KAZN: variants seen among roughly 807,000 people sequenced by gnomAD.
KAZN encodes the protein kazrin, periplakin interacting protein, also known as kazrin.
KAZN carries 40 observed loss-of-function variants against 87.4 expected under a neutral mutation model. That is an observed-to-expected ratio of 0.46 (90% confidence interval 0.36 to 0.60). KAZN has a LOEUF of 0.60. Among genes scored for constraint, KAZN ranks in the 20% least tolerant of loss-of-function variants. The pLI is 0.00. For synonymous variants in KAZN, 466 were observed against 458.3 expected, an observed-to-expected ratio of 1.02 and a Z score of -0.22; for missense variants, 898 against 1,073.9, an observed-to-expected ratio of 0.84 and a Z score of 2.29.
chr1:14,511,889 G>A (rs142979447), intron 2 of KAZN, among the ~76,000 whole-genome samples: 4 of 152,034 alleles, frequency 2.6e-5, no homozygotes, highest in Non-Finnish European at 4.4e-5. Flanking sequence ...ATAAATAAAC[G>A]CATTAGTTTA....
At chr1:14,794,890 A>G (rs1373089953) in intron 1 of KAZN, among the ~76,000 whole-genome samples, 1 of 152,148 alleles carries the variant, frequency 6.6e-6, no homozygotes, top group Non-Finnish European at 1.5e-5. Flanking sequence ...GCTAGGATAA[A>G]AGCAGGCAGA....
At chr1:14,539,137 C>T (rs182843960) in intron 2 of KAZN, among the ~76,000 whole-genome samples, 268 of 152,318 alleles carry the variant, frequency 1.8e-3, no homozygotes, top group African/African-American at 5.7e-3. Context: ...ATTTTACTGT[C>T]ACCCTCTTGC....
At chr1:14,544,479 G>A (rs1466925034) in intron 2 of KAZN, among the ~76,000 whole-genome samples, 1 of 149,958 alleles carries the variant, frequency 6.7e-6, no homozygotes, top group East Asian at 2.0e-4. Flanking sequence ...ATAAAGATAT[G>A]CAAAGGAGAA....
intron 1 of KAZN, among the ~76,000 whole-genome samples, chr1:14,780,992 G>A (rs1309058154): frequency 3.3e-5 from 5 of 152,178 alleles, no homozygotes; most frequent in Non-Finnish European, 5.9e-5. Flanking sequence ...AGTGGAGTGG[G>A]GGACACTGAA....
intron 3 of KAZN, among the ~76,000 whole-genome samples, chr1:15,035,614 C>T (rs546787020): frequency 6.6e-6 from 1 of 152,266 alleles, no homozygotes; most frequent in East Asian, 1.9e-4. Context: ...TTGGGAGACC[C>T]AGGTGGGTGG....
Position 14,379,246 on chromosome 1 carries a change from A to C in KAZN, c.249+198654A>C, listed in dbSNP as rs116933669. Among the ~76,000 whole-genome samples the C allele has an allele frequency of 2.2e-3, 340 of 151,954 alleles. 5 individuals carry two copies. In the East Asian group the frequency reaches 0.04, roughly 18 times the overall value. Reference sequence around the variant, plus strand: ...GAACAACTGGCAGAAATAACCAAGTAGTACACCATGGTCCTTGGGTGAGAC... The same window carrying C: ...GAACAACTGGCAGAAATAACCAAGTCGTACACCATGGTCCTTGGGTGAGAC... On this transcript the variant is annotated intron_variant, in intron 2 of 16. Coordinates refer to the KAZN transcript ENST00000636203.
rs189922479 is a variant in KAZN, at chr1:14,518,068, C to T, written c.250-80915C>T. ...CCCAAGGTCTGCCACTGACTGGCTACAGGACCTTGAACAAGCCACTTATTT... is the reference window on the plus strand; with the variant it reads ...CCCAAGGTCTGCCACTGACTGGCTATAGGACCTTGAACAAGCCACTTATTT... On this transcript the variant is annotated intron_variant, in intron 2 of 16. Coordinates refer to the KAZN transcript ENST00000636203. Among the ~76,000 whole-genome samples, 12 of 151,888 alleles carry T rather than the reference C, an allele frequency of 7.9e-5. No homozygotes were observed. The East Asian group carries it at 1.7e-3, about 22-fold the overall frequency.
intron 2 of KAZN, among the ~76,000 whole-genome samples, chr1:14,242,101 A>G (rs1298231819): frequency 6.6e-6 from 1 of 152,122 alleles, no homozygotes; most frequent in Non-Finnish European, 1.5e-5. Context: ...CTGAGCCTAC[A>G]TTTTCCCTTG....
chr1:13,920,541 T>C (rs912756331), intron 1 of KAZN, among the ~76,000 whole-genome samples: 3 of 152,182 alleles, frequency 2.0e-5, no homozygotes, highest in African/African-American at 7.2e-5. Context: ...GAAAAGTGGC[T>C]CAACAGTCAA....
In KAZN at chr1:15,099,608, G is replaced by T. The variant is rs1018557005; in HGVS notation, c.1548-1935G>T. ...CCCCAGGACCCCAAGCCCCATGTGC[G>T]TTGGGGGAGGGGAAGTCAGCCAGGG... is the stretch of plus-strand genomic sequence containing the variant. On this transcript the variant is annotated intron_variant, in intron 10 of 14. Transcript: ENST00000376030. This position sits in a 1 kb window ranked among gnomAD's most constrained non-coding sequence, Gnocchi z 5.4. Among the ~76,000 whole-genome samples the T allele has an allele frequency of 6.6e-6, 1 of 152,182 alleles. No homozygotes were observed. The highest frequency in any genetic ancestry group is 1.5e-5 in the Non-Finnish European group (1 of 68,022).
chr1:15,066,137 C>T lies in KAZN; in HGVS notation c.1222+384C>T, dbSNP rs906986947. 5.6e-6 allele frequency: 6 copies of T among 1,061,982 alleles called. No homozygotes were observed. Among genetic ancestry groups the T allele is most frequent in the East Asian group, 6.4e-5 (1 of 15,602 alleles). 65.8% of individuals were successfully genotyped at this position (1,061,982 alleles called of 1,614,324 possible). On this transcript the variant is annotated intron_variant, in intron 8 of 14. Transcript: ENST00000376030. The surrounding 1 kb of genome is among the most constrained non-coding windows in gnomAD (Gnocchi z 4.3). ...TTCTTTTTCTTTTTGTTTGGTTCGT[C>T]GGTTTGTTTTTGTTTTTGTTTTTTT...
chr1:14,568,441 G>A (rs1006568552), intron 2 of KAZN, among the ~76,000 whole-genome samples: 10 of 152,162 alleles, frequency 6.6e-5, no homozygotes, highest in Non-Finnish European at 1.3e-4. Context: ...CCACATGGCC[G>A]GAGAGGCTTC....
chr1:14,084,473 C>T (rs1371636947), intron 1 of KAZN, among the ~76,000 whole-genome samples: 4 of 152,086 alleles, frequency 2.6e-5, no homozygotes, highest in African/African-American at 9.7e-5. Flanking sequence ...TGTATGTGTA[C>T]ACACAGGGTT....
At chr1:14,777,679 C>A (rs1645220291) in intron 1 of KAZN, among the ~76,000 whole-genome samples, 1 of 152,192 alleles carries the variant, frequency 6.6e-6, no homozygotes, top group Non-Finnish European at 1.5e-5. Flanking sequence ...CGTCACTCTG[C>A]CTCCTCATTG....
chr1:14,017,763 C>T (rs148468166), intron 1 of KAZN, among the ~76,000 whole-genome samples: 56 of 152,228 alleles, frequency 3.7e-4, no homozygotes, highest in African/African-American at 1.3e-3. Flanking sequence ...GAGAAAAGAC[C>T]GTGCGTTGGA....
At chr1:14,418,632 T>C (rs1304134869) in intron 2 of KAZN, among the ~76,000 whole-genome samples, 1 of 152,188 alleles carries the variant, frequency 6.6e-6, no homozygotes, top group African/African-American at 2.4e-5. Context: ...AATCTGATTT[T>C]CCTAGTCAGA....
chr1:15,077,561 G>A lies in KAZN; in HGVS notation c.1222+11808G>A, dbSNP rs1274692036. Reference sequence around the variant, plus strand: ...GAATCCTGAGCTCCACCGCTCCTCCGCAAGGGCTACACAGGACCAGGTCAG... The same window carrying A: ...GAATCCTGAGCTCCACCGCTCCTCCACAAGGGCTACACAGGACCAGGTCAG... On this transcript the variant is annotated intron_variant, in intron 8 of 14. Coordinates refer to ENST00000376030, the MANE Select transcript of KAZN (RefSeq NM_201628.3). This position sits in a 1 kb window ranked among gnomAD's most constrained non-coding sequence, Gnocchi z 4.8. 2.6e-5 allele frequency among the ~76,000 whole-genome samples: 4 copies of A among 152,190 alleles called. No individual in the cohort carries two copies. Among genetic ancestry groups the A allele is most frequent in the African/African-American group, 4.8e-5 (2 of 41,432 alleles).
At chr1:14,589,154 T>C (rs1434099092) in intron 2 of KAZN, among the ~76,000 whole-genome samples, 2 of 152,058 alleles carry the variant, frequency 1.3e-5, no homozygotes, top group African/African-American at 4.8e-5. Flanking sequence ...GCTGTCAGAG[T>C]ACCTACCATC....
At chr1:13,963,651 T>C (rs898757753) in intron 1 of KAZN, among the ~76,000 whole-genome samples, 3 of 152,188 alleles carry the variant, frequency 2.0e-5, no homozygotes, top group Admixed American at 6.5e-5. Context: ...ATTCTATTCA[T>C]GCATCAAAGC....
Sources: gnomAD v4.1 joint callset for allele counts (sites outside exome capture counted in the v4.1 genomes callset) on GRCh38, gnomAD v4.1.1 for gene constraint, Gnocchi (gnomAD v3.1) non-coding constraint, MANE v1.5 for transcripts, NCBI Gene and HGNC (gene_info 2026-07-23, HGNC 2026-07-21) for gene names.